The following EPS15 variants were observed in gnomAD, a reference collection of about 807,000 sequenced individuals.
EPS15 encodes the protein epidermal growth factor receptor pathway substrate 15, also known as epidermal growth factor receptor substrate 15.
In EPS15, 72 loss-of-function variants were observed where a neutral mutation model predicts 113.8. The observed-to-expected ratio is 0.63, with a 90% CI of 0.52 to 0.77. The LOEUF is 0.77. EPS15 is among the 30% of genes least tolerant of loss of function. The pLI is 0.00. For synonymous variants in EPS15, 344 were observed against 363.4 expected (o/e 0.95, Z 0.61); for missense variants, 1,048 against 1,045.8 (o/e 1.00, Z -0.03).
rs1199677517 is a variant in EPS15 at position 51,448,042 on chromosome 1, T to C, written c.651+4A>G. 23 of 1,613,586 alleles carry C rather than the reference T, an allele frequency of 1.4e-5. No individual in the cohort carries two copies. The highest frequency in any genetic ancestry group is 1.9e-5 in the Non-Finnish European group (23 of 1,179,590). Reference sequence around the variant, plus strand: ...ATCAACCGCACAGAGCCTGATATACTGACCGTTTTTCTCTTAGATGGTGGC... The same window carrying C: ...ATCAACCGCACAGAGCCTGATATACCGACCGTTTTTCTCTTAGATGGTGGC... On this transcript the variant is annotated splice_donor_region_variant and intron_variant, in intron 9 of 24. Coordinates refer to ENST00000371733, the MANE Select transcript of EPS15 (RefSeq NM_001981.3).
chr1:51,378,349 G>A (rs1486504702), intron 21 of EPS15, among the ~76,000 whole-genome samples: 1 of 151,976 alleles, frequency 6.6e-6, no homozygotes, highest in African/African-American at 2.4e-5. Context: ...GCTTTATTGT[G>A]GTGGTATGGA....
chr1:51,475,218 A>T (rs1398521465), intron 2 of EPS15, among the ~76,000 whole-genome samples: 1 of 152,172 alleles, frequency 6.6e-6, no homozygotes, highest in African/African-American at 2.4e-5. Flanking sequence ...GGCTGGGTCA[A>T]ATGGTATTTC....
At chr1:51,421,679 C>T (rs1196364419) in intron 13 of EPS15, 107 bp downstream of exon 13, 2 of 527,406 alleles carry the variant, frequency 3.8e-6, no homozygotes, top group Non-Finnish European at 6.4e-6. Context: ...AAACATTAGG[C>T]ATTCTCTTGA....
In EPS15 at chr1:51,472,861, T is replaced by C; in HGVS notation, c.163A>G (p.Lys55Glu). 1 of 1,609,306 alleles carries C rather than the reference T, an allele frequency of 6.2e-7. No homozygotes were observed. Among genetic ancestry groups the C allele is most frequent in the Non-Finnish European group, 8.5e-7 (1 of 1,175,684 alleles). ...TAGTTATAATGAACGAATACTACCT[T>C]TCCAAGTATCAAGTCTGGAAGCCCT... is the stretch of plus-strand genomic sequence containing the variant. Reference protein sequence around the residue: ...KSGLPDLILGKIWDLADTDGK... With the variant: ...KSGLPDLILGEIWDLADTDGK... Residue 55 changes from lysine to glutamate, a missense_variant and splice_region_variant, in exon 3 of 25, where the codon AAG (lysine) becomes GAG (glutamate). Physicochemically the swap from Lys to Glu is moderately conservative, Grantham distance 56 (BLOSUM62 1). Coordinates refer to ENST00000371733, the MANE Select transcript of EPS15 (RefSeq NM_001981.3).
intron 17 of EPS15, 42 bp from the exon 18 acceptor site, chr1:51,402,567 A>ATAAAATATTTT: frequency 9.7e-7 from 1 of 1,028,546 alleles, no homozygotes; most frequent in Non-Finnish European, 1.5e-6. Context: ...TAGAAACCAA[A>ATAAAATATTTT]GTTTTAAAAG....
At chr1:51,435,246 C>T (rs908340182) in intron 12 of EPS15, among the ~76,000 whole-genome samples, 14 of 151,720 alleles carry the variant, frequency 9.2e-5, no homozygotes, top group African/African-American at 3.1e-4. Context: ...GGAGTGATCT[C>T]GGCTGTGAGT....
intron 1 of EPS15, among the ~76,000 whole-genome samples, chr1:51,517,912 G>A (rs957594046): frequency 2.6e-5 from 4 of 152,158 alleles, no homozygotes; most frequent in African/African-American, 9.7e-5. Context: ...GCTAGGCAAA[G>A]CACCCCAAAG....
chr1:51,437,025 A>G (rs1279902478), intron 12 of EPS15, among the ~76,000 whole-genome samples: 1 of 152,234 alleles, frequency 6.6e-6, no homozygotes, highest in Non-Finnish European at 1.5e-5. Flanking sequence ...TATCATACTA[A>G]TTTAATCTAA....
chr1:51,398,033 C>A (rs547792239), intron 20 of EPS15, among the ~76,000 whole-genome samples: 1 of 151,834 alleles, frequency 6.6e-6, no homozygotes, highest in South Asian at 2.1e-4. Context: ...TTGAGTATTT[C>A]TAAATATCCA....
In EPS15 at chr1:51,447,114, AG is replaced by A; in HGVS notation, c.652-10del. On this transcript the variant is annotated splice_polypyrimidine_tract_variant and intron_variant, in intron 9 of 24. Coordinates refer to ENST00000371733, the MANE Select transcript of EPS15 (RefSeq NM_001981.3). ...GCAGGGGATACAACCCACTACAGGGAGGAAAAAAAACAGTATTTCTGCCAAA... is the reference window on the plus strand; with the variant it reads ...GCAGGGGATACAACCCACTACAGGGAGAAAAAAAACAGTATTTCTGCCAAA... The A allele has an allele frequency of 1.3e-6, 2 of 1,586,376 alleles. No individual in the cohort carries two copies. The highest frequency in any genetic ancestry group is 1.7e-6 in the Non-Finnish European group (2 of 1,171,962).
intron 1 of EPS15, among the ~76,000 whole-genome samples, chr1:51,508,612 G>A (rs1644565745): frequency 6.6e-6 from 1 of 152,042 alleles, no homozygotes; most frequent in South Asian, 2.1e-4. Flanking sequence ...TTCCCACTAC[G>A]TAAAACTTCT....
chr1:51,400,981 C>A (rs572250535), intron 18 of EPS15, 28 bp from the exon 19 acceptor site: 1 of 1,515,458 alleles, frequency 6.6e-7, no homozygotes, highest in Non-Finnish European at 9.0e-7. Flanking sequence ...CAAAGAAATC[C>A]AAATAACAAT....
chr1:51,386,347 G>C (rs534477440), intron 21 of EPS15, among the ~76,000 whole-genome samples: 1 of 152,338 alleles, frequency 6.6e-6, no homozygotes, highest in East Asian at 1.9e-4. Flanking sequence ...ATAGTAATGT[G>C]GGAGCACTGA....
intron 8 of EPS15, 22 bp downstream of exon 8, chr1:51,461,069 T>A (rs750547748): frequency 1.3e-6 from 2 of 1,492,612 alleles, no homozygotes; most frequent in South Asian, 2.3e-5. Context: ...AATGAAGATG[T>A]TAAGAACATT....
intron 22 of EPS15, among the ~76,000 whole-genome samples, chr1:51,365,573 A>G (rs1646490411): frequency 6.6e-6 from 1 of 152,228 alleles, no homozygotes. Flanking sequence ...CTCAGAACAT[A>G]AAATCAAGTA....
chr1:51,358,699 G>GTTTTTTTTTTTT lies in EPS15; in HGVS notation c.2545-1854_2545-1853insAAAAAAAAAAAA, dbSNP rs1181151202. Reference sequence around the variant, plus strand: ...TTCAAGACTCCTTCCAACCAGATTTGTTTTTTTTTGTTTTTTTTTTTTTTT... The same window carrying GTTTTTTTTTTTT: ...TTCAAGACTCCTTCCAACCAGATTTGTTTTTTTTTTTTTTTTTTTTTGTTTTTTTTTTTTTTT... On this transcript the variant is annotated intron_variant, in intron 24 of 24. Transcript: ENST00000371733. Among the ~76,000 whole-genome samples the GTTTTTTTTTTTT allele has an allele frequency of 7.2e-4, 93 of 129,322 alleles. 1 individual carries two copies. The highest frequency in any genetic ancestry group is 2.7e-3 in the African/African-American group (92 of 34,338). The allele number at this position is 129,322 out of a possible 152,430, so 84.8% of individuals were successfully genotyped here. A position where few individuals can be genotyped will look rare whatever the true frequency, so the allele number is the denominator to read the frequency against.
chr1:51,451,157 G>A (rs931365123), intron 8 of EPS15, among the ~76,000 whole-genome samples: 1 of 151,834 alleles, frequency 6.6e-6, no homozygotes, highest in African/African-American at 2.4e-5. Context: ...TGGTAAGGAG[G>A]AAATAATTAG....
chr1:51,441,043 A>G (rs544123810), intron 11 of EPS15, among the ~76,000 whole-genome samples: 4 of 152,190 alleles, frequency 2.6e-5, no homozygotes, highest in African/African-American at 9.6e-5. Context: ...TTTTCTTTCA[A>G]CAATGAAGGT....
chr1:51,368,590 TTTTG>T (rs201494893), intron 21 of EPS15, among the ~76,000 whole-genome samples: 2,799 of 149,952 alleles, frequency 0.019, 87 homozygotes, highest in African/African-American at 0.068. Flanking sequence ...TATTTTTCTT[TTTTG>T]TTTCTTTTTT....
Sources: gnomAD v4.1 joint callset for allele counts (sites outside exome capture counted in the v4.1 genomes callset) on GRCh38, gnomAD v4.1.1 for gene constraint, MANE v1.5 for transcripts, NCBI Gene and HGNC (gene_info 2026-07-23, HGNC 2026-07-21) for gene names.